ITPR1: variants seen among roughly 807,000 people sequenced by gnomAD.
The protein encoded by ITPR1 is inositol 1,4,5-trisphosphate receptor type 1, also known as inositol 1,4,5-trisphosphate-gated calcium channel ITPR1.
Under a neutral mutation model 318.4 loss-of-function variants are expected in ITPR1, and 96 were observed. That is an observed-to-expected ratio of 0.30 (90% CI 0.26 to 0.36). The LOEUF is 0.36. Among genes scored for constraint, ITPR1 ranks in the 10% least tolerant of loss-of-function variants. ITPR1 has a pLI of 1.00. For missense variants in ITPR1, 2,440 were observed against 3,460.2 expected (o/e 0.71, Z 7.40); for synonymous variants, 1,312 against 1,289.9 (o/e 1.02, Z -0.37).
At chr3:4,770,076 C>T (rs1226767643) in intron 46 of ITPR1, among the ~76,000 whole-genome samples, 1 of 152,178 alleles carries the variant, frequency 6.6e-6, no homozygotes, top group Non-Finnish European at 1.5e-5. Flanking sequence ...CCTCCTAAGA[C>T]ACTCCAGTCA....
intron 24 of ITPR1, 63 bp downstream of exon 24, chr3:4,676,864 C>T (rs749174173): frequency 4.6e-4 from 595 of 1,298,048 alleles, no homozygotes; most frequent in Admixed American, 1.0e-3. Flanking sequence ...CAGATCCAGT[C>T]CCTCTGTTCT....
intron 44 of ITPR1, among the ~76,000 whole-genome samples, chr3:4,742,585 A>G (rs1207767380): frequency 6.6e-6 from 1 of 152,174 alleles, no homozygotes; most frequent in Non-Finnish European, 1.5e-5. Flanking sequence ...CATCTGGCCA[A>G]TACAAAGATC....
intron 18 of ITPR1, 100 bp downstream of exon 18, chr3:4,667,649 C>A: frequency 8.3e-7 from 1 of 1,209,670 alleles, no homozygotes; most frequent in Non-Finnish European, 1.1e-6. Flanking sequence ...CTGCTAGTGA[C>A]AAGTTTTGAT....
In ITPR1 at chr3:4,683,648, C is replaced by A. The variant is rs1218926817; in HGVS notation, c.3348C>A (p.Ser1116Arg). The A allele has an allele frequency of 6.2e-7, 1 of 1,614,046 alleles. No homozygotes were observed. Among genetic ancestry groups the A allele is most frequent in the South Asian group, 1.1e-5 (1 of 91,084 alleles). ...AFKQVQLLVT[S>R]QDVDNYKQIK... is the part of the protein sequence containing the mutation. ...TTAAGGTTCAACTGCTGGTTACCAG[C>A]CAAGATGTGGACAACTACAAACAGA... The change falls in exon 28 of 62, where the codon AGC (serine) becomes AGA (arginine). Residue 1116 changes from serine (S) to arginine (R), a missense_variant. Transcript: ENST00000649015.
At chr3:4,526,731 C>G (rs1409246308) in intron 4 of ITPR1, among the ~76,000 whole-genome samples, 1 of 152,232 alleles carries the variant, frequency 6.6e-6, no homozygotes, top group African/African-American at 2.4e-5. Flanking sequence ...AGTTGGGTAA[C>G]TTGCCCATAG....
intron 32 of ITPR1, 40 bp downstream of exon 32, chr3:4,691,384 C>T: frequency 7.2e-7 from 1 of 1,391,552 alleles, no homozygotes; most frequent in Non-Finnish European, 1.0e-6. Context: ...ATCTGGTGTT[C>T]TGTAGAAATT....
chr3:4,805,870 T>C (rs1044981745), intron 54 of ITPR1, among the ~76,000 whole-genome samples: 1 of 152,266 alleles, frequency 6.6e-6, no homozygotes, highest in South Asian at 2.1e-4. Flanking sequence ...TGATTACTGT[T>C]GCGCATGAAG....
intron 36 of ITPR1, among the ~76,000 whole-genome samples, chr3:4,703,370 G>T (rs2094695284): frequency 6.6e-6 from 1 of 152,130 alleles, no homozygotes; most frequent in African/African-American, 2.4e-5. Flanking sequence ...CTCAGAAATG[G>T]TGCACTGCTC....
chr3:4,795,311 CAAG>C, intron 53 of ITPR1, 124 bp downstream of exon 53: 2 of 795,024 alleles, frequency 2.5e-6, no homozygotes, highest in Non-Finnish European at 1.8e-6. Flanking sequence ...CACATTCAGA[CAAG>C]AGGAGATTGT....
intron 47 of ITPR1, among the ~76,000 whole-genome samples, chr3:4,775,854 G>GT (rs1332597167): frequency 1.3e-5 from 2 of 152,194 alleles, no homozygotes; most frequent in Admixed American, 6.5e-5. Context: ...ATTACTACAC[G>GT]TGAGACAGCT....
intron 24 of ITPR1, among the ~76,000 whole-genome samples, chr3:4,678,544 A>G (rs919967859): frequency 1.3e-5 from 2 of 152,206 alleles, no homozygotes; most frequent in Non-Finnish European, 2.9e-5. Flanking sequence ...TGATTCGAAC[A>G]GGGGCTCCAT....
intron 5 of ITPR1, 53 bp from the exon 6 acceptor site, chr3:4,639,331 G>A (rs960298873): frequency 7.5e-7 from 1 of 1,331,556 alleles, no homozygotes; most frequent in Non-Finnish European, 1.1e-6. Context: ...CACTGCAGTG[G>A]GATAGAACAC....
At chr3:4,706,827 CA>C (rs2094768586) in intron 37 of ITPR1, among the ~76,000 whole-genome samples, 1 of 152,128 alleles carries the variant, frequency 6.6e-6, no homozygotes, top group Admixed American at 6.5e-5. Context: ...TAGAATCTAC[CA>C]AGACATCTGC....
intron 61 of ITPR1, among the ~76,000 whole-genome samples, chr3:4,837,489 G>C (rs1368706482): frequency 6.6e-6 from 1 of 151,948 alleles, no homozygotes; most frequent in African/African-American, 2.4e-5. Context: ...GAACAATATA[G>C]ACATACTCCC....
chr3:4,521,223 T>C (rs1314873976), intron 4 of ITPR1, 129 bp downstream of exon 4: 5 of 670,464 alleles, frequency 7.5e-6, no homozygotes, highest in Non-Finnish European at 1.3e-5. Flanking sequence ...CAGAGTATGA[T>C]TTGAGTTCTA....
chr3:4,607,299 C>T lies in ITPR1; in HGVS notation c.164-20464C>T, dbSNP rs138829799. Among the ~76,000 whole-genome samples the T allele has an allele frequency of 4.6e-5, 7 of 152,214 alleles. No individual in the cohort carries two copies. The East Asian group carries it at 7.7e-4, about 17-fold the overall frequency. ...TGACTGCACACTAAAGTTTGAGAAG[C>T]GCTGTTGTTAGAATTCAGTTATCCT... On this transcript the variant is annotated intron_variant, in intron 4 of 61. Transcript: ENST00000649015.
At chr3:4,695,116 G>A (rs1271380911) in intron 33 of ITPR1, among the ~76,000 whole-genome samples, 2 of 152,036 alleles carry the variant, frequency 1.3e-5, no homozygotes, top group South Asian at 2.1e-4. Flanking sequence ...GTACTGTCAC[G>A]GCCCTTTGTA....
At chr3:4,569,655 C>G (rs964686493) in intron 4 of ITPR1, among the ~76,000 whole-genome samples, 5 of 152,126 alleles carry the variant, frequency 3.3e-5, no homozygotes, top group Non-Finnish European at 7.4e-5. Flanking sequence ...AGCAATGATG[C>G]CATGTGTCTG....
chr3:4,719,464 C>G (rs977809397), intron 40 of ITPR1, among the ~76,000 whole-genome samples: 13 of 152,328 alleles, frequency 8.5e-5, no homozygotes, highest in African/African-American at 2.9e-4. Context: ...AACCTGCAGC[C>G]CACAGCTGGA....
Sources: allele counts gnomAD v4.1 joint callset (sites outside exome capture counted in the v4.1 genomes callset), GRCh38; gene constraint gnomAD v4.1.1; transcripts MANE v1.5; gene names NCBI Gene and HGNC (gene_info 2026-07-23, HGNC 2026-07-21).